The following SCAPER variants were observed in gnomAD, a reference collection of about 807,000 sequenced individuals.
SCAPER encodes the protein S-phase cyclin A associated protein in the ER.
SCAPER carries 98 observed loss-of-function variants against 182.2 expected under a neutral mutation model. That is an observed-to-expected ratio of 0.54 (90% CI 0.46 to 0.64). The LOEUF is 0.64. Ranked by LOEUF, SCAPER falls within the 30% of genes least tolerant of loss-of-function variation. The pLI is 0.00. For synonymous variants in SCAPER, 605 were observed against 564.6 expected, an observed-to-expected ratio of 1.07 and a Z score of -1.01; for missense variants, 1,432 against 1,690.0, an observed-to-expected ratio of 0.85 and a Z score of 2.68.
At chr15:76,409,226 T>C (rs1220204139) in intron 26 of SCAPER, among the ~76,000 whole-genome samples, 1 of 152,214 alleles carries the variant, frequency 6.6e-6, no homozygotes, top group Admixed American at 6.5e-5. Context: ...TAATGAACAC[T>C]GGGGTCAAAA....
rs576617216 is a variant in SCAPER, at chr15:76,811,543, C to T, written c.394-6910G>A. On this transcript the variant is annotated intron_variant, in intron 5 of 31. Transcript: ENST00000563290. Reference sequence around the variant, plus strand: ...CGGTGGCTCATGCCTGTAATCCCAGCAGTTTGGGAGGCCAAGGCTGGTGGA... The same window carrying T: ...CGGTGGCTCATGCCTGTAATCCCAGTAGTTTGGGAGGCCAAGGCTGGTGGA... Among the ~76,000 whole-genome samples, 8 of 152,314 alleles carry T rather than the reference C, an allele frequency of 5.3e-5. No homozygotes were observed. The South Asian group carries it at 1.7e-3, about 32-fold the overall frequency.
chr15:76,526,840 A>G (rs2043233766), intron 23 of SCAPER, among the ~76,000 whole-genome samples: 1 of 152,006 alleles, frequency 6.6e-6, no homozygotes, highest in Non-Finnish European at 1.5e-5. Flanking sequence ...ATTTCCTGAA[A>G]AATCTTTTTC....
chr15:76,472,898 T>C (rs157783), intron 24 of SCAPER, among the ~76,000 whole-genome samples: 85,962 of 151,972 alleles, frequency 0.57, 25,168 homozygotes, highest in Non-Finnish European at 0.65. Flanking sequence ...ATGTCCTCTT[T>C]TCCCTTGTCA....
intron 1 of SCAPER, among the ~76,000 whole-genome samples, chr15:76,893,577 C>A (rs1326568333): frequency 6.6e-6 from 1 of 151,774 alleles, no homozygotes; most frequent in East Asian, 1.9e-4. Context: ...ATGGACCTAA[C>A]AGACATATGC....
intron 21 of SCAPER, among the ~76,000 whole-genome samples, chr15:76,626,681 C>CTCA (rs2052608012): frequency 2.6e-5 from 4 of 152,214 alleles, no homozygotes; most frequent in Non-Finnish European, 4.4e-5. Flanking sequence ...TACACCACTG[C>CTCA]ACTCCAGCCT....
intron 21 of SCAPER, among the ~76,000 whole-genome samples, chr15:76,643,703 G>C (rs941411478): frequency 6.6e-6 from 1 of 152,024 alleles, no homozygotes; most frequent in Non-Finnish European, 1.5e-5. Flanking sequence ...CAAACAAAAA[G>C]TCATTCTTTG....
At chr15:76,496,035 C>A (rs898286711) in intron 24 of SCAPER, among the ~76,000 whole-genome samples, 1 of 143,774 alleles carries the variant, frequency 7.0e-6, no homozygotes, top group African/African-American at 2.6e-5. Context: ...CACACACACA[C>A]ACACAGAATG....
At chr15:76,799,932 T>TGAGTA (rs2065628489) in intron 7 of SCAPER, among the ~76,000 whole-genome samples, 1 of 152,056 alleles carries the variant, frequency 6.6e-6, no homozygotes, top group Non-Finnish European at 1.5e-5. Context: ...TGCCTATCTG[T>TGAGTA]GAGTAACAAC....
At chr15:76,611,126 G>C (rs2145935439) in intron 22 of SCAPER, among the ~76,000 whole-genome samples, 1 of 152,136 alleles carries the variant, frequency 6.6e-6, no homozygotes, top group African/African-American at 2.4e-5. Context: ...ACAGTCAATT[G>C]ATCTTTGACA....
chr15:76,567,922 A>C lies in SCAPER; in HGVS notation c.2838+6236T>G, dbSNP rs972724949. Among the ~76,000 whole-genome samples, 3 of 151,840 alleles carry C rather than the reference A, an allele frequency of 2.0e-5. No individual in the cohort carries two copies. In the South Asian group the frequency reaches 6.2e-4, roughly 32 times the overall value. Reference sequence around the variant, plus strand: ...CTTTATTGTTAATTTCTTTTGTGTCATTTTCTTGTCCAGGTAAAACTCTGA... The same window carrying C: ...CTTTATTGTTAATTTCTTTTGTGTCCTTTTCTTGTCCAGGTAAAACTCTGA... On this transcript the variant is annotated intron_variant, in intron 23 of 31. Transcript: ENST00000563290.
chr15:76,621,451 G>A (rs1423168714), intron 22 of SCAPER, among the ~76,000 whole-genome samples: 1 of 148,920 alleles, frequency 6.7e-6, no homozygotes, highest in African/African-American at 2.5e-5. Flanking sequence ...TCTCAACCTT[G>A]GTACTATTAA....
intron 4 of SCAPER, among the ~76,000 whole-genome samples, chr15:76,855,457 C>CAAAAAAAAAAAAAAAAAAAAAA (rs34226154): frequency 8.6e-6 from 1 of 116,326 alleles, no homozygotes; most frequent in Non-Finnish European, 1.7e-5. Context: ...TTCTGCACAG[C>CAAAAAAAAAAAAAAAAAAAAAA]AAAAAAAAAA....
intron 29 of SCAPER, among the ~76,000 whole-genome samples, chr15:76,355,168 T>C (rs2040869071): frequency 6.6e-6 from 1 of 152,242 alleles, no homozygotes; most frequent in African/African-American, 2.4e-5. Context: ...GTTTTCAAAG[T>C]ACTTTTAACA....
intron 2 of SCAPER, among the ~76,000 whole-genome samples, chr15:76,874,522 T>A (rs2073010991): frequency 6.6e-6 from 1 of 150,532 alleles, no homozygotes; most frequent in African/African-American, 2.4e-5. Flanking sequence ...AAAACACTAA[T>A]GAAATGTATA....
intron 23 of SCAPER, among the ~76,000 whole-genome samples, chr15:76,510,284 C>A (rs1053002355): frequency 1.3e-5 from 2 of 152,084 alleles, no homozygotes; most frequent in African/African-American, 4.8e-5. Context: ...GCAGAATAAA[C>A]AGACAACTCA....
At chr15:76,631,250 C>T (rs1038020521) in intron 21 of SCAPER, among the ~76,000 whole-genome samples, 2 of 152,038 alleles carry the variant, frequency 1.3e-5, no homozygotes, top group Non-Finnish European at 2.9e-5. Context: ...TCCAGCTCGC[C>T]GTTCTGTGTC....
chr15:76,353,910 C>T, intron 30 of SCAPER, 39 bp downstream of exon 30: 1 of 1,453,114 alleles, frequency 6.9e-7, no homozygotes, highest in Middle Eastern at 1.8e-4. Context: ...CATTAGTTTA[C>T]ACACAAAGCT....
intron 23 of SCAPER, among the ~76,000 whole-genome samples, chr15:76,513,178 A>G (rs1038217936): frequency 6.6e-6 from 1 of 152,236 alleles, no homozygotes. Context: ...GTCCTGGCAC[A>G]GAGCAGGAAT....
intron 26 of SCAPER, among the ~76,000 whole-genome samples, chr15:76,415,522 A>G (rs2045586230): frequency 6.6e-6 from 1 of 152,206 alleles, no homozygotes; most frequent in South Asian, 2.1e-4. Flanking sequence ...GAATCTGAAG[A>G]GCAGTTAAAA....
Sources: gnomAD v4.1 joint callset for allele counts (sites outside exome capture counted in the v4.1 genomes callset) on GRCh38, gnomAD v4.1.1 for gene constraint, MANE v1.5 for transcripts, NCBI Gene and HGNC (gene_info 2026-07-23, HGNC 2026-07-21) for gene names.